Variants in NKAIN3 observed in about 807,000 individuals in gnomAD.
NKAIN3 encodes sodium/potassium transporting ATPase interacting 3.
NKAIN3 carries 25 observed loss-of-function variants against 30.2 expected under a neutral mutation model. That is an observed-to-expected ratio of 0.83 (90% CI 0.60 to 1.16). The LOEUF is 1.16. Ranked by LOEUF, NKAIN3 falls within the 50% of genes most tolerant of loss-of-function variation. NKAIN3 has a pLI of 0.00. For synonymous variants in NKAIN3, 91 were observed against 89.6 expected (o/e 1.02, Z -0.09); for missense variants, 225 against 254.1 (o/e 0.89, Z 0.78).
intron 5 of NKAIN3, among the ~76,000 whole-genome samples, chr8:62,934,022 G>C (rs1469682523): frequency 6.6e-6 from 1 of 152,192 alleles, no homozygotes; most frequent in South Asian, 2.1e-4. Context: ...TATAGAGAAA[G>C]AGAGCACAAT....
intron 3 of NKAIN3, among the ~76,000 whole-genome samples, chr8:62,685,473 G>C (rs1586087456): frequency 6.6e-6 from 1 of 152,102 alleles, no homozygotes; most frequent in African/African-American, 2.4e-5. Context: ...CACTTGCTTG[G>C]TTCATTCATG....
intron 1 of NKAIN3, among the ~76,000 whole-genome samples, chr8:62,459,899 T>C (rs1239719972): frequency 6.6e-6 from 1 of 152,192 alleles, no homozygotes; most frequent in Admixed American, 6.5e-5. Flanking sequence ...GAACTTAGTG[T>C]TTCCTTTGAC....
chr8:62,707,567 G>T, intron 3 of NKAIN3, among the ~76,000 whole-genome samples: 1 of 151,834 alleles, frequency 6.6e-6, no homozygotes, highest in African/African-American at 2.4e-5. Context: ...CTTTTTGATG[G>T]GATTCTTTGT....
At chr8:62,706,170 G>C (rs560840836) in intron 3 of NKAIN3, among the ~76,000 whole-genome samples, 1 of 152,222 alleles carries the variant, frequency 6.6e-6, no homozygotes, top group Admixed American at 6.5e-5. Flanking sequence ...GCTCCAAGTA[G>C]AAGAAAGAGC....
chr8:62,441,105 A>G (rs1040845366), intron 1 of NKAIN3, among the ~76,000 whole-genome samples: 10 of 152,132 alleles, frequency 6.6e-5, no homozygotes, highest in Non-Finnish European at 1.5e-4. Context: ...CATGACATCT[A>G]TAGTTTTGAA....
At chr8:62,677,364 G>T (rs996447800) in intron 3 of NKAIN3, among the ~76,000 whole-genome samples, 3 of 152,160 alleles carry the variant, frequency 2.0e-5, no homozygotes, top group African/African-American at 7.2e-5. Context: ...AAGGATGCTG[G>T]GCCTTTGCAC....
intron 1 of NKAIN3, among the ~76,000 whole-genome samples, chr8:62,409,478 C>G (rs1804174600): frequency 6.6e-6 from 1 of 152,126 alleles, no homozygotes; most frequent in Non-Finnish European, 1.5e-5. Flanking sequence ...ACCACTGTGC[C>G]TGGCATATAT....
At chr8:62,992,498 C>G (rs1172322586) in intron 5 of NKAIN3, among the ~76,000 whole-genome samples, 2 of 152,032 alleles carry the variant, frequency 1.3e-5, no homozygotes, top group Non-Finnish European at 2.9e-5. Flanking sequence ...AGGCTGACGC[C>G]TGTCCCATTG....
In NKAIN3 at chr8:62,968,145, C is replaced by T. The variant is rs1175736010; in HGVS notation, c.*2738C>T. 2.6e-5 allele frequency among the ~76,000 whole-genome samples: 4 copies of T among 152,180 alleles called. No individual in the cohort carries two copies. The highest frequency in any genetic ancestry group is 7.2e-5 in the African/African-American group (3 of 41,438). On this transcript the variant is annotated 3_prime_UTR_variant, in exon 7 of 7. Transcript: ENST00000623646. ...ATCAGAAACAAGTTAGATTGATCTG[C>T]CACCTCCTCTTCTCTCTTTTCTTCT...
At chr8:62,436,068 T>C (rs928903895) in intron 1 of NKAIN3, among the ~76,000 whole-genome samples, 1 of 152,202 alleles carries the variant, frequency 6.6e-6, no homozygotes, top group Non-Finnish European at 1.5e-5. Context: ...TCAAAGTAAA[T>C]CCCTAAAGGC....
chr8:62,764,474 A>ATTT (rs11400398), intron 4 of NKAIN3, among the ~76,000 whole-genome samples: 4 of 150,832 alleles, frequency 2.7e-5, no homozygotes, highest in African/African-American at 4.9e-5. Context: ...ACAAATAAGT[A>ATTT]TTTTTTTTTG....
intron 1 of NKAIN3, among the ~76,000 whole-genome samples, chr8:62,386,965 A>T (rs897645320): frequency 1.1e-4 from 17 of 152,084 alleles, no homozygotes; most frequent in Admixed American, 1.0e-3. Flanking sequence ...GAGAAATGAT[A>T]ACACTTTATA....
At chr8:62,534,603 C>G (rs986815258) in intron 1 of NKAIN3, among the ~76,000 whole-genome samples, 7 of 152,256 alleles carry the variant, frequency 4.6e-5, no homozygotes, top group Middle Eastern at 6.8e-3. Flanking sequence ...CAGCATGCAG[C>G]CAAAGGGCCT....
intron 1 of NKAIN3, among the ~76,000 whole-genome samples, chr8:62,377,560 T>A (rs1259979236): frequency 6.6e-6 from 1 of 152,142 alleles, no homozygotes; most frequent in South Asian, 2.1e-4. Context: ...TGGTTTGGAT[T>A]TCTGTCCCCA....
intron 1 of NKAIN3, among the ~76,000 whole-genome samples, chr8:62,441,841 C>T (rs1209162171): frequency 6.6e-6 from 1 of 151,888 alleles, no homozygotes; most frequent in Non-Finnish European, 1.5e-5. Context: ...AAAATATGTA[C>T]CAAATCACCC....
intron 1 of NKAIN3, among the ~76,000 whole-genome samples, chr8:62,553,586 G>T (rs964055557): frequency 6.6e-6 from 1 of 151,146 alleles, no homozygotes; most frequent in Non-Finnish European, 1.5e-5. Flanking sequence ...ACTCAGGCTG[G>T]AGTACAGTGG....
chr8:62,465,176 C>G (rs1186372838), intron 1 of NKAIN3, among the ~76,000 whole-genome samples: 1 of 152,146 alleles, frequency 6.6e-6, no homozygotes, highest in Non-Finnish European at 1.5e-5. Context: ...AAGTTTACAT[C>G]TTTCTTAAAT....
At chr8:62,519,944 G>A (rs1369777799) in intron 1 of NKAIN3, among the ~76,000 whole-genome samples, 1 of 152,132 alleles carries the variant, frequency 6.6e-6, no homozygotes, top group Non-Finnish European at 1.5e-5. Context: ...CTAGGAATGT[G>A]TCCTGATGGA....
chr8:62,286,248 C>T (rs963459470), intron 1 of NKAIN3, among the ~76,000 whole-genome samples: 6 of 152,102 alleles, frequency 3.9e-5, no homozygotes, highest in Admixed American at 6.6e-5. Flanking sequence ...TTTAGTTTCT[C>T]ACAAAACAGT....
Sources: gnomAD v4.1 joint callset for allele counts (sites outside exome capture counted in the v4.1 genomes callset) on GRCh38, gnomAD v4.1.1 for gene constraint, MANE v1.5 for transcripts, NCBI Gene and HGNC (gene_info 2026-07-23, HGNC 2026-07-21) for gene names.